Variants in DENND5B observed in about 807,000 individuals in gnomAD.
The protein encoded by DENND5B is DENN domain containing 5B.
DENND5B carries 34 observed loss-of-function variants against 140.6 expected under a neutral mutation model. The ratio of observed to expected loss-of-function variants is 0.24; its 90% CI spans 0.18 to 0.32. The LOEUF is 0.32. Among genes scored for constraint, DENND5B ranks in the 10% least tolerant of loss-of-function variants. The pLI, the probability that DENND5B is intolerant of heterozygous loss-of-function variation, is 1.00. For missense variants in DENND5B, 1,142 were observed against 1,560.2 expected (o/e 0.73, Z 4.52); for synonymous variants, 551 against 562.1 (o/e 0.98, Z 0.28).
chr12:31,541,229 CCTT>C (rs1459144214), intron 1 of DENND5B, among the ~76,000 whole-genome samples: 1 of 152,016 alleles, frequency 6.6e-6, no homozygotes, highest in African/African-American at 2.4e-5. Flanking sequence ...AAGTTAAAAA[CCTT>C]CTGCACAGCA....
chr12:31,455,537 A>C lies in DENND5B; in HGVS notation c.1093-3061T>G, dbSNP rs149233128. On this transcript the variant is annotated intron_variant, in intron 4 of 20. Transcript: ENST00000389082. The stretch of plus-strand genomic sequence containing the variant: ...CTCCAAAACAAACGAGAACTCTATA[A>C]TAGGGCATTCTGATAAGTTGCTTCT... 4.2e-3 allele frequency among the ~76,000 whole-genome samples: 633 copies of C among 152,338 alleles called. 5 individuals are homozygous for C. The highest frequency in any genetic ancestry group is 0.014 in the African/African-American group (575 of 41,570).
intron 14 of DENND5B, among the ~76,000 whole-genome samples, chr12:31,408,789 T>C (rs1481403319): frequency 6.6e-6 from 1 of 152,192 alleles, no homozygotes; most frequent in Non-Finnish European, 1.5e-5. Context: ...CCTTTTCTCA[T>C]CTATTGTAGG....
chr12:31,507,156 A>G (rs1314060168), intron 1 of DENND5B, among the ~76,000 whole-genome samples: 1 of 152,128 alleles, frequency 6.6e-6, no homozygotes, highest in Non-Finnish European at 1.5e-5. Context: ...AAGTTCAGGA[A>G]ACACAGACAA....
chr12:31,432,011 T>A (rs578135077), intron 8 of DENND5B: 1 of 960,934 alleles, frequency 1.0e-6, no homozygotes, highest in East Asian at 1.2e-4. Context: ...TGGGGGAACA[T>A]CTGGTAAAGC....
rs1297429798 is a variant in DENND5B at position 31,385,605 on chromosome 12, T to C, written c.*1998A>G. 1.3e-5 allele frequency: 2 copies of C among 152,268 alleles called. No homozygotes were observed. The highest frequency in any genetic ancestry group is 6.5e-5 in the Admixed American group (1 of 15,274). 9.4% of individuals were successfully genotyped at this position (152,268 alleles called of 1,614,324 possible). On this transcript the variant is annotated 3_prime_UTR_variant, in exon 21 of 21. Coordinates refer to ENST00000389082, the MANE Select transcript of DENND5B (RefSeq NM_144973.4). Reference sequence around the variant, plus strand: ...CCATGTCCCTGGAAGAGCTGTACCATTGTAGACACACTTTAGCTTCAGGCA... The same window carrying C: ...CCATGTCCCTGGAAGAGCTGTACCACTGTAGACACACTTTAGCTTCAGGCA...
At chr12:31,455,720 T>C (rs1944740129) in intron 4 of DENND5B, among the ~76,000 whole-genome samples, 1 of 152,198 alleles carries the variant, frequency 6.6e-6, no homozygotes, top group South Asian at 2.1e-4. Context: ...AACTACTTCC[T>C]ATTAAAAACA....
chr12:31,499,816 C>T, intron 1 of DENND5B: 1 of 547,980 alleles, frequency 1.8e-6, no homozygotes. Flanking sequence ...TAGCTTAACA[C>T]CAATGGAATG....
chr12:31,422,816 T>TA (rs1401883363), intron 11 of DENND5B, among the ~76,000 whole-genome samples: 2 of 152,070 alleles, frequency 1.3e-5, no homozygotes, highest in African/African-American at 4.8e-5. Context: ...CATAATTAGC[T>TA]AAAAAATTAT....
intron 3 of DENND5B, among the ~76,000 whole-genome samples, chr12:31,470,406 G>A (rs981496004): frequency 2.0e-5 from 3 of 151,678 alleles, no homozygotes; most frequent in African/African-American, 7.3e-5. Flanking sequence ...GATACACTGT[G>A]CCCGGCCTTA....
intron 5 of DENND5B, among the ~76,000 whole-genome samples, chr12:31,449,731 GTT>G (rs771712867): frequency 7.8e-5 from 7 of 89,968 alleles, no homozygotes; most frequent in African/African-American, 2.1e-4. Flanking sequence ...ACACAGATTA[GTT>G]TTTTTTTTTT....
chr12:31,498,310 T>C (rs1251114177), intron 1 of DENND5B, among the ~76,000 whole-genome samples: 1 of 152,192 alleles, frequency 6.6e-6, no homozygotes, highest in African/African-American at 2.4e-5. Flanking sequence ...TAAAATAACA[T>C]TATCTTCATT....
intron 1 of DENND5B, among the ~76,000 whole-genome samples, chr12:31,562,530 G>T (rs985358940): frequency 6.6e-6 from 1 of 151,906 alleles, no homozygotes; most frequent in Non-Finnish European, 1.5e-5. Context: ...AGGAGAATCA[G>T]TTGAACCCGG....
At chr12:31,425,302 G>A (rs1440011079) in intron 9 of DENND5B, among the ~76,000 whole-genome samples, 2 of 152,198 alleles carry the variant, frequency 1.3e-5, no homozygotes, top group Non-Finnish European at 1.5e-5. Context: ...GCGTGATAGA[G>A]CGAGACTCTG....
At chr12:31,431,640 G>C (rs1943515749) in intron 8 of DENND5B, among the ~76,000 whole-genome samples, 1 of 152,160 alleles carries the variant, frequency 6.6e-6, no homozygotes. Context: ...TTAAAATTCT[G>C]TGGAGATAAA....
chr12:31,558,011 C>T (rs1291194399), intron 1 of DENND5B, among the ~76,000 whole-genome samples: 1 of 151,986 alleles, frequency 6.6e-6, no homozygotes, highest in African/African-American at 2.4e-5. Flanking sequence ...TATGATCTCA[C>T]CACTGCACTA....
At chr12:31,484,447 A>C (rs1372250547) in intron 2 of DENND5B, among the ~76,000 whole-genome samples, 1 of 152,072 alleles carries the variant, frequency 6.6e-6, no homozygotes, top group Non-Finnish European at 1.5e-5. Context: ...TGTGAAGCAA[A>C]TTGGAAAGGT....
At chr12:31,471,949 TC>T (rs1162118042) in intron 3 of DENND5B, among the ~76,000 whole-genome samples, 1 of 151,936 alleles carries the variant, frequency 6.6e-6, no homozygotes, top group Non-Finnish European at 1.5e-5. Context: ...CCCTATAAAT[TC>T]CAAGTGGAAC....
intron 1 of DENND5B, among the ~76,000 whole-genome samples, chr12:31,509,518 T>C (rs1947329273): frequency 6.6e-6 from 1 of 152,188 alleles, no homozygotes; most frequent in Admixed American, 6.5e-5. Flanking sequence ...GCCACTGAAT[T>C]GCAGAGCCAA....
At chr12:31,576,368 G>C (rs903929785) in intron 1 of DENND5B, among the ~76,000 whole-genome samples, 16 of 149,604 alleles carry the variant, frequency 1.1e-4, no homozygotes, top group African/African-American at 3.9e-4. Flanking sequence ...CATCAGAATC[G>C]CTTGAACCCG....
Sources: allele counts gnomAD v4.1 joint callset (sites outside exome capture counted in the v4.1 genomes callset), GRCh38; gene constraint gnomAD v4.1.1; transcripts MANE v1.5; gene names NCBI Gene and HGNC (gene_info 2026-07-23, HGNC 2026-07-21).